Variants in PRTG observed in about 807,000 individuals in gnomAD.
The protein encoded by PRTG is protogenin.
Under a neutral mutation model 122.5 loss-of-function variants are expected in PRTG, and 67 were observed. The observed-to-expected ratio is 0.55, with a 90% CI of 0.45 to 0.67. PRTG has a LOEUF of 0.67. PRTG is among the 30% of genes least tolerant of loss of function. The pLI, the probability that PRTG is intolerant of heterozygous loss-of-function variation, is 0.00. For synonymous variants in PRTG, 554 were observed against 501.1 expected, an observed-to-expected ratio of 1.11 and a Z score of -1.41; for missense variants, 1,435 against 1,415.4, an observed-to-expected ratio of 1.01 and a Z score of -0.22.
intron 2 of PRTG, among the ~76,000 whole-genome samples, chr15:55,719,059 G>A (rs1040835511): frequency 2.0e-5 from 3 of 151,984 alleles, no homozygotes. Context: ...ATTACTTTTT[G>A]AAAAGAATTT....
chr15:55,721,125 C>T (rs1455741216), intron 2 of PRTG, among the ~76,000 whole-genome samples: 6 of 152,212 alleles, frequency 3.9e-5, no homozygotes, highest in Admixed American at 3.3e-4. Flanking sequence ...ACTTTTCCCT[C>T]TCCCTGATTC....
At chr15:55,741,776 T>C (rs1033556605) in intron 1 of PRTG, among the ~76,000 whole-genome samples, 20 of 152,204 alleles carry the variant, frequency 1.3e-4, no homozygotes, top group Non-Finnish European at 2.9e-4. Context: ...CTTCCCGTAA[T>C]GTATGCCCAG....
chr15:55,653,692 G>A (rs1179426228), intron 11 of PRTG, among the ~76,000 whole-genome samples: 1 of 152,142 alleles, frequency 6.6e-6, no homozygotes, highest in African/African-American at 2.4e-5. Flanking sequence ...TCGAACTCCT[G>A]ACCTCAGGTG....
At chr15:55,707,007 A>G (rs2030155037) in intron 2 of PRTG, among the ~76,000 whole-genome samples, 1 of 152,224 alleles carries the variant, frequency 6.6e-6, no homozygotes, top group African/African-American at 2.4e-5. Flanking sequence ...CGCCCAGGTG[A>G]CTTGCATGGA....
rs968285333 is a variant in PRTG, at chr15:55,617,568, T to C, written c.*2444A>G. 1.3e-5 allele frequency: 2 copies of C among 152,118 alleles called. No homozygotes were observed. Among genetic ancestry groups the C allele is most frequent in the Admixed American group, 6.6e-5 (1 of 15,264 alleles). The allele number at this position is 152,118 out of a possible 1,614,324, so 9.4% of individuals were successfully genotyped here. A position where few individuals can be genotyped will look rare whatever the true frequency, so the allele number is the denominator to read the frequency against. ...ACTGAAAATTCTTTGGTAACAGAAT[T>C]ATTATGAAAAAGTCCGTATAAGAAC... On this transcript the variant is annotated 3_prime_UTR_variant, in exon 20 of 20. Coordinates refer to ENST00000389286, the MANE Select transcript of PRTG (RefSeq NM_173814.6).
intron 11 of PRTG, among the ~76,000 whole-genome samples, chr15:55,646,728 T>A (rs1454141381): frequency 6.6e-6 from 1 of 152,110 alleles, no homozygotes; most frequent in Admixed American, 6.5e-5. Context: ...AGATGAAGGG[T>A]TAGGAAAGAA....
At chr15:55,735,718 T>TAAAAA (rs35182605) in intron 2 of PRTG, among the ~76,000 whole-genome samples, 1,748 of 114,182 alleles carry the variant, frequency 0.015, 38 homozygotes, top group African/African-American at 0.05. Context: ...CATGCTTTGC[T>TAAAAA]AAAAAAAAAA....
intron 2 of PRTG, among the ~76,000 whole-genome samples, chr15:55,688,328 G>C (rs2059581790): frequency 6.6e-6 from 1 of 152,008 alleles, no homozygotes; most frequent in African/African-American, 2.4e-5. Context: ...TCAAGGGCTC[G>C]CTCTCCCTCC....
intron 2 of PRTG, among the ~76,000 whole-genome samples, chr15:55,684,336 G>A (rs2059558356): frequency 6.6e-6 from 1 of 152,194 alleles, no homozygotes; most frequent in African/African-American, 2.4e-5. Context: ...AACTGGTTTT[G>A]AATTAGCTTT....
intron 2 of PRTG, among the ~76,000 whole-genome samples, chr15:55,732,057 T>C (rs2031252248): frequency 6.6e-6 from 1 of 152,218 alleles, no homozygotes; most frequent in Admixed American, 6.5e-5. Flanking sequence ...AGTATTTGTG[T>C]ATCTAAACAT....
chr15:55,637,605 G>C (rs2059265196), intron 14 of PRTG, among the ~76,000 whole-genome samples: 2 of 152,112 alleles, frequency 1.3e-5, no homozygotes, highest in Admixed American at 6.6e-5. Flanking sequence ...GAAACGTTTT[G>C]CTAAATTGCT....
rs777490287 is a variant in PRTG, at chr15:55,680,026, C to T, written c.973+28G>A. ...CGGCAAATGTTAAAATGTAAGATTC[C>T]CCTGATTGCAGAATGAAAGGAACAT... On this transcript the variant is annotated intron_variant, in intron 6 of 19. Transcript: ENST00000389286. 5 of 1,583,966 alleles carry T rather than the reference C, an allele frequency of 3.2e-6. No individual in the cohort carries two copies. The African/African-American group carries it at 6.8e-5, about 21-fold the overall frequency.
intron 2 of PRTG, among the ~76,000 whole-genome samples, chr15:55,712,236 G>A (rs896540993): frequency 1.3e-5 from 2 of 152,216 alleles, no homozygotes; most frequent in African/African-American, 4.8e-5. Context: ...GAGGGTTAAT[G>A]AATCAATTGC....
Position 55,735,316 on chromosome 15 carries a change from T to C in PRTG, c.397+5066A>G, listed in dbSNP as rs2031374185. 2.0e-5 allele frequency among the ~76,000 whole-genome samples: 3 copies of C among 152,208 alleles called. No homozygotes were observed. The South Asian group carries it at 6.2e-4, about 31-fold the overall frequency. ...AATTCTAACTGAGCAACCTTGTTCATGAGAGATAAAAATCATCTCTCAAAA... is the reference window on the plus strand; with the variant it reads ...AATTCTAACTGAGCAACCTTGTTCACGAGAGATAAAAATCATCTCTCAAAA... On this transcript the variant is annotated intron_variant, in intron 2 of 19. Coordinates refer to ENST00000389286, the MANE Select transcript of PRTG (RefSeq NM_173814.6).
intron 10 of PRTG, among the ~76,000 whole-genome samples, 196 bp downstream of exon 10, chr15:55,673,175 A>G (rs984631298): frequency 6.6e-6 from 1 of 152,238 alleles, no homozygotes; most frequent in Non-Finnish European, 1.5e-5. Context: ...GCACAACCAA[A>G]AAGTTTACAC....
At chr15:55,689,598 T>C (rs1019082219) in intron 2 of PRTG, among the ~76,000 whole-genome samples, 33 of 146,932 alleles carry the variant, frequency 2.2e-4, no homozygotes, top group African/African-American at 7.3e-4. Flanking sequence ...GTAACAAACC[T>C]ACACGTTGTG....
intron 12 of PRTG, among the ~76,000 whole-genome samples, chr15:55,640,381 C>T (rs1297095788): frequency 6.6e-6 from 1 of 152,154 alleles, no homozygotes; most frequent in Non-Finnish European, 1.5e-5. Context: ...ATATGTGGTC[C>T]ATTGTTGACA....
chr15:55,675,698 C>A lies in PRTG; in HGVS notation c.1382-15G>T. The A allele has an allele frequency of 6.7e-7, 1 of 1,486,656 alleles. No homozygotes were observed. The highest frequency in any genetic ancestry group is 9.3e-7 in the Non-Finnish European group (1 of 1,071,640). 92.1% of individuals were successfully genotyped at this position (1,486,656 alleles called of 1,614,324 possible). A position where few individuals can be genotyped will look rare whatever the true frequency, so the allele number is the denominator to read the frequency against. On this transcript the variant is annotated splice_polypyrimidine_tract_variant and intron_variant, in intron 8 of 19. Coordinates refer to ENST00000389286, the MANE Select transcript of PRTG (RefSeq NM_173814.6). ...ATTATTTAAACCTAAATTAAAGAATCCATGTTTTAAAATGACAGATATTCA... is the reference window on the plus strand; with the variant it reads ...ATTATTTAAACCTAAATTAAAGAATACATGTTTTAAAATGACAGATATTCA...
rs766493134 is a variant in PRTG at position 55,680,172 on chromosome 15, T to C, written c.855A>G (p.Gly285=). 4.3e-6 allele frequency: 7 copies of C among 1,612,168 alleles called. No homozygotes were observed. The highest frequency in any genetic ancestry group is 4.5e-5 in the East Asian group (2 of 44,848). ...CATCAGATATCATGAGATTACCATT[T>C]CCAAGTACCCGAGTATTAAAGACAT... ...SIDVFNTRVL[G]NGNLMISDVR... The change falls in exon 6 of 20, where the codon GGA becomes GGG. Residue 285 remains glycine (G), a synonymous_variant. Coordinates refer to ENST00000389286, the MANE Select transcript of PRTG (RefSeq NM_173814.6).
Sources: allele counts gnomAD v4.1 joint callset (sites outside exome capture counted in the v4.1 genomes callset), GRCh38; gene constraint gnomAD v4.1.1; transcripts MANE v1.5; gene names NCBI Gene and HGNC (gene_info 2026-07-23, HGNC 2026-07-21).